MYRIP: variants seen among roughly 807,000 people sequenced by gnomAD.
MYRIP encodes rab effector MyRIP.
Under a neutral mutation model 98.0 loss-of-function variants are expected in MYRIP, and 49 were observed. The ratio of observed to expected loss-of-function variants is 0.50; its 90% CI spans 0.40 to 0.63. MYRIP has a LOEUF of 0.63. Ranked by LOEUF, MYRIP falls within the 30% of genes least tolerant of loss-of-function variation. MYRIP has a pLI of 0.00. For synonymous variants in MYRIP, 404 were observed against 409.5 expected, an observed-to-expected ratio of 0.99 and a Z score of 0.16; for missense variants, 1,004 against 1,058.2, an observed-to-expected ratio of 0.95 and a Z score of 0.71.
intron 3 of MYRIP, among the ~76,000 whole-genome samples, chr3:40,046,629 C>T (rs763874561): frequency 4.0e-5 from 6 of 149,524 alleles, no homozygotes; most frequent in Non-Finnish European, 7.4e-5. Flanking sequence ...GTGGCATGAG[C>T]AAACAAAGCA....
intron 2 of MYRIP, among the ~76,000 whole-genome samples, chr3:40,015,476 C>G (rs1421784968): frequency 6.6e-6 from 1 of 152,230 alleles, no homozygotes; most frequent in East Asian, 1.9e-4. Context: ...ATTCCAAGAA[C>G]ATCTCCCTCA....
At chr3:40,069,058 A>G (rs898041928) in intron 3 of MYRIP, among the ~76,000 whole-genome samples, 1 of 152,180 alleles carries the variant, frequency 6.6e-6, no homozygotes, top group Non-Finnish European at 1.5e-5. Flanking sequence ...CTAAATAAGT[A>G]GTAGTATGGT....
chr3:40,019,638 TAGG>T (rs1237258280), intron 2 of MYRIP, among the ~76,000 whole-genome samples: 3 of 152,134 alleles, frequency 2.0e-5, no homozygotes, highest in African/African-American at 7.2e-5. Context: ...AGGCATAAAA[TAGG>T]AGCTTAAAGT....
At chr3:40,191,088 T>C (rs1379278289) in intron 10 of MYRIP, among the ~76,000 whole-genome samples, 1 of 152,250 alleles carries the variant, frequency 6.6e-6, no homozygotes, top group African/African-American at 2.4e-5. Flanking sequence ...TTAGTCTACA[T>C]CAGACCCCTT....
chr3:40,148,289 G>A (rs1427333202), intron 3 of MYRIP, among the ~76,000 whole-genome samples: 2 of 152,080 alleles, frequency 1.3e-5, no homozygotes, highest in Non-Finnish European at 2.9e-5. Flanking sequence ...TCCATTTGTT[G>A]TTTAGGCAAT....
chr3:39,987,929 G>C (rs951612589), intron 2 of MYRIP, among the ~76,000 whole-genome samples: 1 of 152,202 alleles, frequency 6.6e-6, no homozygotes, highest in South Asian at 2.1e-4. Context: ...AACAATGATA[G>C]ACTGGATTAA....
At chr3:40,111,014 A>C (rs1949146874) in intron 3 of MYRIP, among the ~76,000 whole-genome samples, 2 of 152,016 alleles carry the variant, frequency 1.3e-5, no homozygotes, top group African/African-American at 4.8e-5. Flanking sequence ...TAATAAAGAG[A>C]ATACCCAGGG....
At chr3:39,863,739 G>A (rs572638526) in intron 1 of MYRIP, among the ~76,000 whole-genome samples, 27 of 151,894 alleles carry the variant, frequency 1.8e-4, no homozygotes, top group Non-Finnish European at 3.7e-4. Context: ...GATGTAAAAC[G>A]AACAACTGGT....
intron 2 of MYRIP, among the ~76,000 whole-genome samples, chr3:39,941,598 C>T (rs1196523406): frequency 6.6e-6 from 1 of 151,738 alleles, no homozygotes; most frequent in African/African-American, 2.4e-5. Context: ...AGTTTTTCCT[C>T]ACTTAACATT....
At position 40,251,927 on chromosome 3, in the gene MYRIP, C is replaced by T. The variant is rs144596766; in HGVS notation, c.2475C>T (p.Asn825=). 2 of 1,613,758 alleles carry T rather than the reference C, an allele frequency of 1.2e-6. No homozygotes were observed. The highest frequency in any genetic ancestry group is 2.7e-5 in the African/African-American group (2 of 74,984). Reference sequence around the variant, plus strand: ...CAGTGACTACCATTAAAACATTTAACCACAACTTCATTCTCCAAGGCTCCT... The same window carrying T: ...CAGTGACTACCATTAAAACATTTAATCACAACTTCATTCTCCAAGGCTCCT... ...TSSVTTIKTF[N]HNFILQGSST... is the part of the protein sequence containing the mutation. Residue 825 remains asparagine, a synonymous_variant, in exon 16 of 17, where the codon AAC becomes AAT. Coordinates refer to ENST00000302541, the MANE Select transcript of MYRIP (RefSeq NM_015460.4).
chr3:39,944,722 G>A (rs1334913932), intron 2 of MYRIP, among the ~76,000 whole-genome samples: 5 of 152,108 alleles, frequency 3.3e-5, no homozygotes, highest in South Asian at 2.1e-4. Flanking sequence ...ACACATGCTT[G>A]TGTGATATTG....
intron 13 of MYRIP, among the ~76,000 whole-genome samples, chr3:40,247,330 T>G (rs1055588828): frequency 2.0e-5 from 3 of 152,376 alleles, no homozygotes; most frequent in Non-Finnish European, 4.4e-5. Context: ...CCCAATGTTC[T>G]GTGAGCGTTA....
At chr3:40,037,124 A>G (rs1947401749) in intron 2 of MYRIP, among the ~76,000 whole-genome samples, 1 of 150,826 alleles carries the variant, frequency 6.6e-6, no homozygotes, top group Non-Finnish European at 1.5e-5. Context: ...TAGTAATTTC[A>G]ATATAAATGT....
chr3:40,239,801 A>G (rs1952942935), intron 12 of MYRIP, among the ~76,000 whole-genome samples: 1 of 111,744 alleles, frequency 8.9e-6, no homozygotes, highest in East Asian at 2.5e-4. Flanking sequence ...TAGATTCTGG[A>G]TATTAGCCCT....
chr3:40,222,696 T>C (rs1335256164), intron 11 of MYRIP, among the ~76,000 whole-genome samples: 2 of 149,452 alleles, frequency 1.3e-5, no homozygotes, highest in Non-Finnish European at 2.9e-5. Flanking sequence ...AAGAAAACAA[T>C]GTGGAGAAAT....
intron 2 of MYRIP, among the ~76,000 whole-genome samples, chr3:39,986,427 T>G (rs948904613): frequency 3.3e-5 from 5 of 149,838 alleles, no homozygotes; most frequent in African/African-American, 1.3e-4. Context: ...CCACTCCCTC[T>G]CTGTCTCTTT....
At chr3:40,206,797 C>G (rs1319427269) in intron 10 of MYRIP, among the ~76,000 whole-genome samples, 2 of 152,172 alleles carry the variant, frequency 1.3e-5, no homozygotes, top group Non-Finnish European at 2.9e-5. Context: ...TAGACTGAAT[C>G]ACAGCAATTC....
At chr3:39,881,917 T>A (rs1943165281) in intron 1 of MYRIP, among the ~76,000 whole-genome samples, 1 of 152,164 alleles carries the variant, frequency 6.6e-6, no homozygotes, top group South Asian at 2.1e-4. Context: ...CGTTTCTTCG[T>A]CCCTGAGCAT....
chr3:40,189,704 TA>T, intron 9 of MYRIP, 121 bp from the exon 10 acceptor site: 1 of 1,096,426 alleles, frequency 9.1e-7, no homozygotes, highest in Non-Finnish European at 1.3e-6. Flanking sequence ...CTGGGCTTCC[TA>T]AAGGCAACTG....
Sources: gnomAD v4.1 joint callset for allele counts (sites outside exome capture counted in the v4.1 genomes callset) on GRCh38, gnomAD v4.1.1 for gene constraint, MANE v1.5 for transcripts, NCBI Gene and HGNC (gene_info 2026-07-23, HGNC 2026-07-21) for gene names.